ALDH18A1: variants seen among roughly 807,000 people sequenced by gnomAD.
ALDH18A1 encodes delta-1-pyrroline-5-carboxylate synthase.
Under a neutral mutation model 88.8 loss-of-function variants are expected in ALDH18A1, and 44 were observed. The observed-to-expected ratio is 0.50, with a 90% CI of 0.39 to 0.64. ALDH18A1 has a LOEUF of 0.64. ALDH18A1 is among the 30% of genes least tolerant of loss of function. The pLI is 0.00. For synonymous variants in ALDH18A1, 331 were observed against 372.1 expected (o/e 0.89, Z 1.27); for missense variants, 782 against 1,009.5 (o/e 0.77, Z 3.05).
At chr10:95,644,415 G>T (rs1455798143) in intron 2 of ALDH18A1, among the ~76,000 whole-genome samples, 1 of 152,098 alleles carries the variant, frequency 6.6e-6, no homozygotes, top group Non-Finnish European at 1.5e-5. Context: ...CAGATAATTT[G>T]TACAGATGAA....
At chr10:95,649,754 G>A (rs901822699) in intron 2 of ALDH18A1, among the ~76,000 whole-genome samples, 3 of 152,002 alleles carry the variant, frequency 2.0e-5, no homozygotes, top group South Asian at 2.1e-4. Context: ...GGTGGTGCAC[G>A]CCTATAGTCC....
Position 95,637,277 on chromosome 10 carries a change from C to T in ALDH18A1, c.453+10G>A. The T allele has an allele frequency of 6.2e-7, 1 of 1,614,198 alleles. No homozygotes were observed. On this transcript the variant is annotated intron_variant, in intron 4 of 17. Transcript: ENST00000371224. ...AGATCCATTTCAATGTGTGGGGAAG[C>T]AGCACTCACCATTTCTTTCAGCTGG...
At chr10:95,615,151 T>C (rs1396657647) in intron 13 of ALDH18A1, among the ~76,000 whole-genome samples, 3 of 152,014 alleles carry the variant, frequency 2.0e-5, no homozygotes, top group African/African-American at 7.3e-5. Flanking sequence ...GGTGAAACCC[T>C]GTCTCTACAA....
rs749574823 is a variant in ALDH18A1, at chr10:95,653,388, G to A, written c.-11C>T. On this transcript the variant is annotated 5_prime_UTR_variant, in exon 2 of 18. Transcript: ENST00000371224. Reference sequence around the variant, plus strand: ...AACTTGACTCAACATGCTGCGATGTGGTCACTAACCAAAGTATCTGCAGAA... The same window carrying A: ...AACTTGACTCAACATGCTGCGATGTAGTCACTAACCAAAGTATCTGCAGAA... 34 of 1,613,110 alleles carry A rather than the reference G, an allele frequency of 2.1e-5. No homozygotes were observed. Among genetic ancestry groups the A allele is most frequent in the Non-Finnish European group, 2.6e-5 (31 of 1,179,810 alleles).
chr10:95,618,972 G>A (rs989288428), intron 12 of ALDH18A1, among the ~76,000 whole-genome samples: 7 of 152,270 alleles, frequency 4.6e-5, no homozygotes, highest in Admixed American at 2.0e-4. Context: ...AATCAAGAAC[G>A]TATATTACCT....
At chr10:95,611,464 G>T (rs1565995415) in intron 15 of ALDH18A1, 22 bp from the exon 16 acceptor site, 2 of 1,612,826 alleles carry the variant, frequency 1.2e-6, no homozygotes, top group Non-Finnish European at 1.7e-6. Context: ...GAAGTCCAGG[G>T]GCAACAACAT....
rs1276389819 is a variant in ALDH18A1 at position 95,621,011 on chromosome 10, C to A, written c.1467+20G>T. On this transcript the variant is annotated intron_variant, in intron 12 of 17. Coordinates refer to ENST00000371224, the MANE Select transcript of ALDH18A1 (RefSeq NM_002860.4). ...AGCCCCCAATGGCAGGGTATTTATT[C>A]TCCCGGGGTATATACACACCTGGGG... 5.0e-6 allele frequency: 8 copies of A among 1,610,324 alleles called. No individual in the cohort carries two copies. Among genetic ancestry groups the A allele is most frequent in the Non-Finnish European group, 4.2e-6 (5 of 1,176,892 alleles).
At chr10:95,622,207 T>C (rs1262645516) in intron 11 of ALDH18A1, among the ~76,000 whole-genome samples, 1 of 152,188 alleles carries the variant, frequency 6.6e-6, no homozygotes, top group African/African-American at 2.4e-5. Context: ...TTTTCCTTTT[T>C]TTCTTTTAGA....
At position 95,633,496 on chromosome 10, in the gene ALDH18A1, C is replaced by T. The variant is rs372683755; in HGVS notation, c.712G>A (p.Val238Ile). The T allele has an allele frequency of 6.2e-7, 1 of 1,614,114 alleles. No individual in the cohort carries two copies. Among genetic ancestry groups the T allele is most frequent in the East Asian group, 2.2e-5 (1 of 44,884 alleles). ...PAEPNSDLQG[V>I]NVISVKDNDS... The stretch of plus-strand genomic sequence containing the variant: ...CTTAGAAATACTTTACCCACATTTA[C>T]CCCCTGCAGGTCACTGTTGGGCTCA... The change falls in exon 6 of 18, where the codon GTA (valine) becomes ATA (isoleucine). Residue 238 changes from valine to isoleucine, a missense_variant. Physicochemically the swap from Val to Ile is conservative, Grantham distance 29. This residue lies in a region of ALDH18A1 where 132 missense variants were observed against 255.5 expected (regional missense o/e 0.52). Coordinates refer to ENST00000371224, the MANE Select transcript of ALDH18A1 (RefSeq NM_002860.4).
At chr10:95,655,732 G>A (rs983650928) in intron 1 of ALDH18A1, among the ~76,000 whole-genome samples, 2 of 151,878 alleles carry the variant, frequency 1.3e-5, no homozygotes. Flanking sequence ...GTCTAGATTT[G>A]TGTGACTGTG....
rs1478143077 is a variant in ALDH18A1, at chr10:95,638,792, C to A, written c.304-1356G>T. ...AATAAAGTCAATATTCCTAAACTGT[C>A]CTTTCCTTCTGATGTCTGAAACCTT... is the stretch of plus-strand genomic sequence containing the variant. On this transcript the variant is annotated intron_variant, in intron 3 of 17. Coordinates refer to ENST00000371224, the MANE Select transcript of ALDH18A1 (RefSeq NM_002860.4). 2.6e-5 allele frequency among the ~76,000 whole-genome samples: 4 copies of A among 152,302 alleles called. No homozygotes were observed. In the East Asian group the frequency reaches 7.7e-4, roughly 29 times the overall value.
In ALDH18A1 at chr10:95,625,323, C is replaced by T. The variant is rs1321191300; in HGVS notation, c.1246+39G>A. 3 of 1,545,240 alleles carry T rather than the reference C, an allele frequency of 1.9e-6. No homozygotes were observed. In the African/African-American group the frequency reaches 4.1e-5, roughly 21 times the overall value. On this transcript the variant is annotated intron_variant, in intron 11 of 17. Transcript: ENST00000371224. ...AAACTAAAAACCAAAATAATGCACA[C>T]CCCTCCACAACATTGACTTTAAATT...
chr10:95,653,200 C>T, intron 2 of ALDH18A1, 90 bp downstream of exon 2: 2 of 1,272,304 alleles, frequency 1.6e-6, no homozygotes, highest in South Asian at 2.4e-5. Flanking sequence ...AACAAACAAA[C>T]AAACATCTTT....
chr10:95,610,998 G>A (rs1043310913), intron 16 of ALDH18A1, among the ~76,000 whole-genome samples: 1 of 152,166 alleles, frequency 6.6e-6, no homozygotes, highest in Non-Finnish European at 1.5e-5. Context: ...TTTGCTGCAC[G>A]CATTAAATGA....
chr10:95,653,331 T>A lies in ALDH18A1; in HGVS notation c.47A>T (p.His16Leu), dbSNP rs1204406230. 2 of 1,612,722 alleles carry A rather than the reference T, an allele frequency of 1.2e-6. No individual in the cohort carries two copies. Among genetic ancestry groups the A allele is most frequent in the Non-Finnish European group, 1.7e-6 (2 of 1,179,838 alleles). Residue 16 changes from histidine to leucine, a missense_variant, in exon 2 of 18, where the codon CAT becomes CTT. This residue lies in a region of ALDH18A1 where 94 missense variants were observed against 99.5 expected (regional missense o/e 0.94). Transcript: ENST00000371224. The stretch of plus-strand genomic sequence containing the variant: ...TGTACACTTGACCCAGGGCAGAAGA[T>A]GTTGGTTGAAGGGCTGGAACCCACA... The part of the protein sequence containing the change: ...YRCGFQPFNQ[H>L]LLPWVKCTTV...
Position 95,643,072 on chromosome 10 carries a change from C to A in ALDH18A1, c.223G>T (p.Val75Leu). The change falls in exon 3 of 18, where the codon GTG (valine) becomes TTG (leucine). Residue 75 changes from valine to leucine, a missense_variant. Val to Leu is a conservative substitution (Grantham distance 32). This residue lies in a region of ALDH18A1 where 94 missense variants were observed against 99.5 expected (regional missense o/e 0.94). Coordinates refer to ENST00000371224, the MANE Select transcript of ALDH18A1 (RefSeq NM_002860.4). ...SELKHAKRIV[V>L]KLGSAVVTRG... ...GTCACCACGGCACTGCCGAGCTTCA[C>A]CACGATTCTCTTGGCATGCTTCAGC... 6.2e-7 allele frequency: 1 copy of A among 1,614,160 alleles called. No homozygotes were observed. The highest frequency in any genetic ancestry group is 8.5e-7 in the Non-Finnish European group (1 of 1,180,008).
intron 17 of ALDH18A1, among the ~76,000 whole-genome samples, chr10:95,608,699 C>T (rs1161722008): frequency 6.6e-6 from 1 of 152,154 alleles, no homozygotes; most frequent in Non-Finnish European, 1.5e-5. Context: ...GGAGGTCTCG[C>T]TGCGTTGCCC....
At position 95,610,231 on chromosome 10, in the gene ALDH18A1, G is replaced by A. The variant is rs2097831234; in HGVS notation, c.2172C>T (p.Ser724=). 1 of 1,614,098 alleles carries A rather than the reference G, an allele frequency of 6.2e-7. No individual in the cohort carries two copies. Among genetic ancestry groups the A allele is most frequent in the Non-Finnish European group, 8.5e-7 (1 of 1,179,978 alleles). Reference sequence around the variant, plus strand: ...AGCGGTAACCATCAGAAAAGCGAGTGCTGGCATTCCAGAACACACAGGCAC... The same window carrying A: ...AGCGGTAACCATCAGAAAAGCGAGTACTGGCATTCCAGAACACACAGGCAC... ...VDSACVFWNA[S]TRFSDGYRFG... Residue 724 remains serine, a synonymous_variant, in exon 17 of 18, where the codon AGC becomes AGT. Coordinates refer to ENST00000371224, the MANE Select transcript of ALDH18A1 (RefSeq NM_002860.4).
At chr10:95,615,825 T>C (rs1051056561) in intron 13 of ALDH18A1, among the ~76,000 whole-genome samples, 1 of 152,194 alleles carries the variant, frequency 6.6e-6, no homozygotes, top group Non-Finnish European at 1.5e-5. Context: ...TCACACACCA[T>C]GTGACTCTTG....
Sources: allele counts gnomAD v4.1 joint callset (sites outside exome capture counted in the v4.1 genomes callset), GRCh38; gene constraint gnomAD v4.1.1; regional missense constraint gnomAD v4.1.1; transcripts MANE v1.5; gene names NCBI Gene and HGNC (gene_info 2026-07-23, HGNC 2026-07-21).